Variants in ANGPT1 observed in about 807,000 individuals in gnomAD.
The protein encoded by ANGPT1 is angiopoietin 1, also known as angiopoietin-1.
Under a neutral mutation model 62.2 loss-of-function variants are expected in ANGPT1, and 17 were observed. The ratio of observed to expected loss-of-function variants is 0.27; its 90% CI spans 0.19 to 0.41. The LOEUF is 0.41. Ranked by LOEUF, ANGPT1 falls within the 10% of genes least tolerant of loss-of-function variation. ANGPT1 has a pLI of 1.00. For missense variants in ANGPT1, 478 were observed against 594.9 expected, an observed-to-expected ratio of 0.80 and a Z score of 2.04; for synonymous variants, 199 against 198.9, an observed-to-expected ratio of 1.00 and a Z score of 0.00.
chr8:107,449,641 G>A (rs1388706649), intron 1 of ANGPT1, among the ~76,000 whole-genome samples: 1 of 151,998 alleles, frequency 6.6e-6, no homozygotes, highest in Non-Finnish European at 1.5e-5. Flanking sequence ...AAACTTTGTA[G>A]CCAGATGTAC....
In ANGPT1 at chr8:107,497,343, T is replaced by C. The variant is rs552685374; in HGVS notation, c.216A>G (p.Pro72=). 6.2e-6 allele frequency: 10 copies of C among 1,614,192 alleles called. No homozygotes were observed. In the African/African-American group the frequency reaches 8.0e-5, roughly 13 times the overall value. ...GGGAAGAGAAATCCGGTTCCACGTG[T>C]GGAGCATCTCTCTGCAGAGCGTTTG... The part of the protein sequence containing the change: ...YNTNALQRDA[P]HVEPDFSSQK... The change falls in exon 1 of 9, where the codon CCA becomes CCG. Residue 72 remains proline, a synonymous_variant. Coordinates refer to ENST00000517746, the MANE Select transcript of ANGPT1 (RefSeq NM_001146.5).
intron 1 of ANGPT1, among the ~76,000 whole-genome samples, chr8:107,373,756 A>T (rs546884076): frequency 4.3e-4 from 66 of 152,332 alleles, no homozygotes; most frequent in African/African-American, 1.5e-3. Context: ...TTCAGGTACA[A>T]CCTGGGCTTT....
At chr8:107,329,918 C>T (rs186146209) in intron 3 of ANGPT1, among the ~76,000 whole-genome samples, 95 of 152,062 alleles carry the variant, frequency 6.2e-4, no homozygotes, top group African/African-American at 2.1e-3. Flanking sequence ...CAGAAACATA[C>T]ATATATTATA....
chr8:107,394,394 G>A (rs932358678), intron 1 of ANGPT1, among the ~76,000 whole-genome samples: 10 of 152,162 alleles, frequency 6.6e-5, no homozygotes, highest in African/African-American at 2.2e-4. Flanking sequence ...TTTGCAGAAA[G>A]CCAGCGCCAG....
chr8:107,259,001 T>G (rs997571142), intron 8 of ANGPT1, among the ~76,000 whole-genome samples: 11 of 152,170 alleles, frequency 7.2e-5, no homozygotes, highest in Non-Finnish European at 1.5e-4. Context: ...TGGCAGCCAC[T>G]GGGGATACAG....
chr8:107,297,731 T>A (rs1221037208), intron 5 of ANGPT1, among the ~76,000 whole-genome samples: 7 of 150,140 alleles, frequency 4.7e-5, no homozygotes, highest in Non-Finnish European at 8.9e-5. Context: ...GCATGCCACC[T>A]TTCTATATGT....
chr8:107,358,370 A>G (rs948484065), intron 1 of ANGPT1, among the ~76,000 whole-genome samples: 5 of 115,894 alleles, frequency 4.3e-5, no homozygotes, highest in Non-Finnish European at 8.5e-5. Flanking sequence ...ATGCAATAAA[A>G]TCCCTATTTT....
intron 4 of ANGPT1, among the ~76,000 whole-genome samples, chr8:107,305,942 C>T (rs970000838): frequency 5.3e-5 from 8 of 151,864 alleles, no homozygotes; most frequent in Non-Finnish European, 1.0e-4. Context: ...TTATATACTA[C>T]GGTTTGAATA....
chr8:107,337,072 G>A (rs1815585422), intron 2 of ANGPT1, among the ~76,000 whole-genome samples: 2 of 152,034 alleles, frequency 1.3e-5, no homozygotes, highest in African/African-American at 2.4e-5. Context: ...TAGCCTTTCC[G>A]GATATCATGA....
chr8:107,299,752 GATATGTAGTTATATCTAGATATACTA>G, intron 5 of ANGPT1, among the ~76,000 whole-genome samples: 1 of 112,768 alleles, frequency 8.9e-6, no homozygotes, highest in Non-Finnish European at 1.7e-5. Flanking sequence ...TATATATCTA[GATATGTAGTTATATCTAGATATACTA>G]TATATCTAGA....
intron 1 of ANGPT1, among the ~76,000 whole-genome samples, chr8:107,490,181 G>A (rs1306746471): frequency 6.6e-6 from 1 of 152,120 alleles, no homozygotes; most frequent in Non-Finnish European, 1.5e-5. Context: ...TGACAGGGGG[G>A]AAAGGTTTCT....
chr8:107,378,498 T>TAC (rs1816571977), intron 1 of ANGPT1, among the ~76,000 whole-genome samples: 1 of 152,186 alleles, frequency 6.6e-6, no homozygotes, highest in Non-Finnish European at 1.5e-5. Flanking sequence ...TTTATGTTTA[T>TAC]ACACACACCA....
chr8:107,285,452 A>G (rs757034224), intron 6 of ANGPT1, among the ~76,000 whole-genome samples: 1 of 152,088 alleles, frequency 6.6e-6, no homozygotes, highest in Admixed American at 6.6e-5. Flanking sequence ...ATTTTTAAAT[A>G]TTAATAAGCA....
intron 1 of ANGPT1, among the ~76,000 whole-genome samples, chr8:107,429,325 G>T (rs1586314967): frequency 6.6e-6 from 1 of 152,140 alleles, no homozygotes; most frequent in East Asian, 1.9e-4. Context: ...TTCCCGGGGA[G>T]GCTCTCCAAT....
chr8:107,287,836 A>C (rs907606133), intron 6 of ANGPT1, among the ~76,000 whole-genome samples: 22 of 152,226 alleles, frequency 1.4e-4, no homozygotes, highest in African/African-American at 4.6e-4. Flanking sequence ...CAGGGATTAC[A>C]GACATCATTT....
At chr8:107,453,702 G>A (rs1488061772) in intron 1 of ANGPT1, among the ~76,000 whole-genome samples, 3 of 151,918 alleles carry the variant, frequency 2.0e-5, no homozygotes, top group Admixed American at 6.6e-5. Context: ...ATATTTTGAG[G>A]ACAATGTGAT....
At chr8:107,475,035 A>G (rs1195572365) in intron 1 of ANGPT1, among the ~76,000 whole-genome samples, 6 of 152,228 alleles carry the variant, frequency 3.9e-5, no homozygotes, top group Admixed American at 3.9e-4. Context: ...ATTCAATGCT[A>G]TCCCCATCAA....
intron 8 of ANGPT1, among the ~76,000 whole-genome samples, chr8:107,252,971 G>C (rs1471301004): frequency 1.3e-5 from 2 of 152,180 alleles, no homozygotes; most frequent in African/African-American, 4.8e-5. Context: ...AATAGCTAAA[G>C]AAAGAGAAAG....
At chr8:107,403,135 T>A (rs1248114752) in intron 1 of ANGPT1, among the ~76,000 whole-genome samples, 1 of 152,170 alleles carries the variant, frequency 6.6e-6, no homozygotes, top group Non-Finnish European at 1.5e-5. Context: ...TCTTTTATTG[T>A]TAAAACTCTG....
Sources: allele counts gnomAD v4.1 joint callset (sites outside exome capture counted in the v4.1 genomes callset), GRCh38; gene constraint gnomAD v4.1.1; transcripts MANE v1.5; gene names NCBI Gene and HGNC (gene_info 2026-07-23, HGNC 2026-07-21).